Variants in MYO18B observed in about 807,000 individuals in gnomAD.
MYO18B encodes unconventional myosin-XVIIIb.
MYO18B carries 204 observed loss-of-function variants against 273.0 expected under a neutral mutation model. That is an observed-to-expected ratio of 0.75 (90% confidence interval 0.67 to 0.84). The LOEUF (loss-of-function observed/expected upper bound fraction) is 0.84. Ranked by LOEUF, MYO18B falls within the 40% of genes least tolerant of loss-of-function variation. The probability of loss-of-function intolerance (pLI) is 0.00; values close to 1 mark genes in which losing one functional copy is unlikely to be tolerated. For missense variants in MYO18B, 3,212 were observed against 3,287.6 expected (o/e 0.98, Z 0.56); for synonymous variants, 1,330 against 1,305.7 (o/e 1.02, Z -0.40).
At chr22:25,958,680 G>GGA (rs1489046655) in intron 39 of MYO18B, among the ~76,000 whole-genome samples, 2 of 152,112 alleles carry the variant, frequency 1.3e-5, no homozygotes. Flanking sequence ...GGGCTCAGTG[G>GGA]GAGAGTTAAG....
the MYO18B span, among the ~76,000 whole-genome samples, chr22:26,061,678 G>A: frequency 6.7e-6 from 1 of 150,310 alleles, no homozygotes; most frequent in Non-Finnish European, 1.5e-5. Context: ...ACCGAGAAAG[G>A]TCATCTACCA....
At chr22:25,866,784 CAAAAAAAAAAAAAA>C (rs56260207) in intron 21 of MYO18B, among the ~76,000 whole-genome samples, 6,122 of 40,284 alleles carry the variant, frequency 0.15, 263 homozygotes, top group East Asian at 0.28. Flanking sequence ...GACTCCGTCT[CAAAAAAAAAAAAAA>C]AAAAAAAAAA....
chr22:25,876,324 G>A lies in MYO18B; in HGVS notation c.4216G>A (p.Ala1406Thr), dbSNP rs1447055412. Residue 1406 changes from alanine (A) to threonine (T), a missense_variant, in exon 24 of 44, where the codon GCC (alanine) becomes ACC (threonine). Coordinates refer to ENST00000335473, the MANE Select transcript of MYO18B (RefSeq NM_032608.7). ...CACCATTGGAACTGAGCAGCTCCGA[G>A]CCAAGGAGGTCAGTCTATGTGGCAG... ...SATIGTEQLR[A>T]KEEELTTLRR... The A allele has an allele frequency of 6.2e-7, 1 of 1,610,684 alleles. No individual in the cohort carries two copies. The highest frequency in any genetic ancestry group is 8.5e-7 in the Non-Finnish European group (1 of 1,178,130).
At chr22:25,823,762 T>TA in intron 13 of MYO18B, 84 bp downstream of exon 13, 1 of 1,452,624 alleles carries the variant, frequency 6.9e-7, no homozygotes, top group East Asian at 2.3e-5. Flanking sequence ...TTAACTTTTT[T>TA]ATCAAAGATT....
intron 19 of MYO18B, 115 bp from the exon 20 acceptor site, chr22:25,847,315 A>T: frequency 2.5e-6 from 2 of 812,872 alleles, no homozygotes; most frequent in Non-Finnish European, 2.0e-6. Flanking sequence ...TTGGTGTGGG[A>T]CATAGGGGCC....
the MYO18B span, among the ~76,000 whole-genome samples, chr22:26,055,577 T>C: frequency 6.6e-6 from 1 of 152,168 alleles, no homozygotes; most frequent in African/African-American, 2.4e-5. Context: ...TCGTGGAAAG[T>C]GGTGTTTGAA....
In MYO18B at chr22:25,917,545, G is replaced by GGGGTGTGTGTGTGTGTGT. The variant is rs1555944183; in HGVS notation, c.5365-3711_5365-3710insGGTGTGTGTGTGTGTGTG. On this transcript the variant is annotated intron_variant, in intron 33 of 43. Coordinates refer to ENST00000335473, the MANE Select transcript of MYO18B (RefSeq NM_032608.7). Reference sequence around the variant, plus strand: ...CTATTTCATTTTAAAGCTTTGTAGGGGTGTGTGTGTGTGTGTGTGTGTGTG... The same window carrying GGGGTGTGTGTGTGTGTGT: ...CTATTTCATTTTAAAGCTTTGTAGGGGGGTGTGTGTGTGTGTGTGTGTGTGTGTGTGTGTGTGTGTGTG... 3.5e-5 allele frequency among the ~76,000 whole-genome samples: 5 copies of GGGGTGTGTGTGTGTGTGT among 142,246 alleles called. No individual in the cohort carries two copies. The East Asian group carries it at 1.0e-3, about 29-fold the overall frequency. The allele number at this position is 142,246 out of a possible 152,430, so 93.3% of individuals were successfully genotyped here.
chr22:25,746,897 G>A (rs1190648149), intron 1 of MYO18B, among the ~76,000 whole-genome samples: 5 of 151,750 alleles, frequency 3.3e-5, no homozygotes, highest in Non-Finnish European at 7.4e-5. Context: ...CAAGGCAGGC[G>A]GATCACGAGG....
chr22:25,907,847 C>G lies in MYO18B; in HGVS notation c.5149-475C>G, dbSNP rs9620569. ...GTCAGGAGTTTGAGATCATCTTGATCAACATGGAGAAACTCCGTTTCTACT... is the reference window on the plus strand; with the variant it reads ...GTCAGGAGTTTGAGATCATCTTGATGAACATGGAGAAACTCCGTTTCTACT... On this transcript the variant is annotated intron_variant, in intron 31 of 43. Coordinates refer to ENST00000335473, the MANE Select transcript of MYO18B (RefSeq NM_032608.7). 2.6e-3 allele frequency among the ~76,000 whole-genome samples: 399 copies of G among 152,156 alleles called. 1 individual carries two copies. Among genetic ancestry groups the G allele is most frequent in the African/African-American group, 9.3e-3 (384 of 41,512 alleles).
chr22:25,950,733 G>A (rs1437301274), intron 37 of MYO18B, among the ~76,000 whole-genome samples: 1 of 151,980 alleles, frequency 6.6e-6, no homozygotes, highest in Non-Finnish European at 1.5e-5. Context: ...CACCATGCCT[G>A]GCTAATTTTT....
intron 34 of MYO18B, among the ~76,000 whole-genome samples, chr22:25,945,366 C>T (rs2092692019): frequency 6.6e-6 from 1 of 151,988 alleles, no homozygotes; most frequent in African/African-American, 2.4e-5. Flanking sequence ...GCTGTTCTTG[C>T]CTGTCTCCCA....
chr22:25,959,288 T>C (rs1360901695), intron 39 of MYO18B: 2 of 149,484 alleles, frequency 1.3e-5, no homozygotes, highest in Non-Finnish European at 3.0e-5. Context: ...TTTTTTTTTT[T>C]TAAATTGAGA....
chr22:25,947,917 C>G, intron 36 of MYO18B, 89 bp downstream of exon 36: 1 of 935,722 alleles, frequency 1.1e-6, no homozygotes, highest in Non-Finnish European at 1.7e-6. Flanking sequence ...TTGGACTACT[C>G]CCTGGTCTTA....
At chr22:25,747,117 G>A (rs906386202) in intron 1 of MYO18B, among the ~76,000 whole-genome samples, 3 of 151,986 alleles carry the variant, frequency 2.0e-5, no homozygotes, top group Admixed American at 6.6e-5. Flanking sequence ...GTGAGACTCC[G>A]CTTCAAAAAA....
chr22:26,026,419 A>C, intron 42 of MYO18B, 26 bp from the exon 43 acceptor site: 1 of 1,580,836 alleles, frequency 6.3e-7, no homozygotes, highest in South Asian at 1.2e-5. Flanking sequence ...CAATTTCTAC[A>C]GACTGCATTT....
intron 27 of MYO18B, among the ~76,000 whole-genome samples, chr22:25,894,524 G>A (rs1193165883): frequency 1.3e-5 from 2 of 152,106 alleles, no homozygotes; most frequent in Admixed American, 6.6e-5. Flanking sequence ...TAATTTTTTT[G>A]AGATGTTTAC....
At chr22:25,803,660 A>C (rs1021400554) in intron 12 of MYO18B, among the ~76,000 whole-genome samples, 6 of 152,158 alleles carry the variant, frequency 3.9e-5, no homozygotes, top group African/African-American at 1.4e-4. Flanking sequence ...TGAACAGGTC[A>C]CTTCCCGTAT....
At chr22:25,969,182 T>C (rs1161787441) in intron 39 of MYO18B, among the ~76,000 whole-genome samples, 2 of 152,192 alleles carry the variant, frequency 1.3e-5, no homozygotes, top group Non-Finnish European at 2.9e-5. Context: ...TCCAGATGTG[T>C]CACCTTATCT....
chr22:26,059,054 T>C, the MYO18B span, among the ~76,000 whole-genome samples: 4 of 150,360 alleles, frequency 2.7e-5, no homozygotes, highest in Non-Finnish European at 5.9e-5. Flanking sequence ...AAAGAAAAGG[T>C]TATAGAATTG....
Sources: gnomAD v4.1 joint callset for allele counts (sites outside exome capture counted in the v4.1 genomes callset) on GRCh38, gnomAD v4.1.1 for gene constraint, MANE v1.5 for transcripts, NCBI Gene and HGNC (gene_info 2026-07-23, HGNC 2026-07-21) for gene names.